ADAMTSL1: variants seen among roughly 807,000 people sequenced by gnomAD.
ADAMTSL1 encodes the protein ADAMTS like 1.
ADAMTSL1 carries 126 observed loss-of-function variants against 201.8 expected under a neutral mutation model. The ratio of observed to expected loss-of-function variants is 0.62; its 90% CI spans 0.54 to 0.72. The LOEUF (loss-of-function observed/expected upper bound fraction) is 0.72. ADAMTSL1 is among the 30% of genes least tolerant of loss of function. The pLI, the probability that ADAMTSL1 is intolerant of heterozygous loss-of-function variation, is 0.00. For missense variants in ADAMTSL1, 2,679 were observed against 2,277.8 expected (o/e 1.18, Z -3.59); for synonymous variants, 1,121 against 903.4 (o/e 1.24, Z -4.32).
chr9:18,618,174 A>G (rs1020964952), intron 4 of ADAMTSL1, among the ~76,000 whole-genome samples: 3 of 152,226 alleles, frequency 2.0e-5, no homozygotes, highest in Non-Finnish European at 4.4e-5. Context: ...GTTTAGGTTT[A>G]GCCTCTTGCT....
At chr9:17,952,999 T>G (rs544542578) in intron 1 of ADAMTSL1, among the ~76,000 whole-genome samples, 1 of 150,640 alleles carries the variant, frequency 6.6e-6, no homozygotes, top group African/African-American at 2.4e-5. Flanking sequence ...GACTCTTTCA[T>G]ATGAAGTTTA....
At chr9:18,435,733 T>C (rs1183855971) in intron 2 of ADAMTSL1, among the ~76,000 whole-genome samples, 1 of 152,150 alleles carries the variant, frequency 6.6e-6, no homozygotes, top group Non-Finnish European at 1.5e-5. Context: ...TCATGGCGGA[T>C]GGCAAGGAGG....
At chr9:18,363,096 A>T (rs548901662) in intron 2 of ADAMTSL1, among the ~76,000 whole-genome samples, 1 of 152,350 alleles carries the variant, frequency 6.6e-6, no homozygotes, top group African/African-American at 2.4e-5. Flanking sequence ...TAAAAGTGTT[A>T]TGGGAGACAA....
chr9:17,973,067 C>CTTGCAAAA (rs1818281702), intron 1 of ADAMTSL1, among the ~76,000 whole-genome samples: 1 of 96,906 alleles, frequency 1.0e-5, no homozygotes, highest in East Asian at 3.5e-4. Flanking sequence ...GATATTAACC[C>CTTGCAAAA]TTTGTCAGAT....
chr9:17,965,284 T>G (rs1391987358), intron 1 of ADAMTSL1, among the ~76,000 whole-genome samples: 2 of 152,200 alleles, frequency 1.3e-5, no homozygotes, highest in Admixed American at 6.6e-5. Context: ...AAACAACTTA[T>G]TTTTACAAAA....
chr9:17,957,847 T>A (rs574912400), intron 1 of ADAMTSL1, among the ~76,000 whole-genome samples: 1 of 152,066 alleles, frequency 6.6e-6, no homozygotes, highest in South Asian at 2.1e-4. Context: ...CTGCTGGGAG[T>A]CACCCAAAGC....
At chr9:18,048,440 A>T (rs1821772593) in intron 1 of ADAMTSL1, among the ~76,000 whole-genome samples, 1 of 152,202 alleles carries the variant, frequency 6.6e-6, no homozygotes, top group Non-Finnish European at 1.5e-5. Context: ...TGAGTAGAGT[A>T]TGGGCTTTAA....
At chr9:18,800,377 C>CAAAAAAAAAAAAAAAAAAAAA (rs58346548) in intron 20 of ADAMTSL1, among the ~76,000 whole-genome samples, 2 of 60,674 alleles carry the variant, frequency 3.3e-5, no homozygotes, top group African/African-American at 6.4e-5. Context: ...AACTCCATCT[C>CAAAAAAAAAAAAAAAAAAAAA]AAAAAAAAAA....
intron 1 of ADAMTSL1, among the ~76,000 whole-genome samples, chr9:18,145,786 A>G (rs1826612886): frequency 6.6e-6 from 1 of 152,204 alleles, no homozygotes; most frequent in African/African-American, 2.4e-5. Context: ...TTCTCTGTGA[A>G]AGACAGTTAC....
chr9:18,006,617 C>T (rs1295523371), intron 1 of ADAMTSL1, among the ~76,000 whole-genome samples: 2 of 151,764 alleles, frequency 1.3e-5, no homozygotes, highest in African/African-American at 2.4e-5. Context: ...TGGATATATC[C>T]CATGGTCTCT....
At chr9:18,734,734 T>C (rs1268649104) in intron 15 of ADAMTSL1, among the ~76,000 whole-genome samples, 1 of 152,142 alleles carries the variant, frequency 6.6e-6, no homozygotes, top group African/African-American at 2.4e-5. Flanking sequence ...CTCTTGTTCT[T>C]AGAGCTGGTA....
intron 1 of ADAMTSL1, among the ~76,000 whole-genome samples, chr9:17,993,013 G>A (rs1454239010): frequency 6.6e-6 from 1 of 152,160 alleles, no homozygotes; most frequent in African/African-American, 2.4e-5. Context: ...TTACTAAAGT[G>A]AATAGCCAAT....
At chr9:18,357,037 C>G (rs950193) in intron 2 of ADAMTSL1, among the ~76,000 whole-genome samples, 12,693 of 152,166 alleles carry the variant, frequency 0.083, 722 homozygotes, top group Non-Finnish European at 0.12. Context: ...TGGGAGGCCT[C>G]AAATTTGTCA....
chr9:18,414,182 A>G (rs1040938025), intron 2 of ADAMTSL1, among the ~76,000 whole-genome samples: 1 of 152,026 alleles, frequency 6.6e-6, no homozygotes, highest in Non-Finnish European at 1.5e-5. Context: ...TTTAATTCTA[A>G]TTCTTCAAAA....
chr9:18,091,713 A>G (rs1007460639), intron 1 of ADAMTSL1, among the ~76,000 whole-genome samples: 4 of 152,176 alleles, frequency 2.6e-5, no homozygotes, highest in African/African-American at 9.7e-5. Flanking sequence ...TTATAGAGCA[A>G]TGTGGCATGA....
rs138891099 is a variant in ADAMTSL1 at position 18,066,049 on chromosome 9, T to G, written c.88-97813T>G. On this transcript the variant is annotated intron_variant, in intron 1 of 29. Transcript: ENST00000680146. ...CACCACAATGACCAGTTCTCCCTTA[T>G]TTAATCAGAATGATTGAAAGAAATG... Among the ~76,000 whole-genome samples, 8 of 150,732 alleles carry G rather than the reference T, an allele frequency of 5.3e-5. No homozygotes were observed. The South Asian group carries it at 8.4e-4, about 16-fold the overall frequency.
chr9:18,526,956 C>G (rs1213887976), intron 2 of ADAMTSL1, among the ~76,000 whole-genome samples: 1 of 152,092 alleles, frequency 6.6e-6, no homozygotes, highest in Non-Finnish European at 1.5e-5. Context: ...TTGTAAAGAG[C>G]TCATAGATTT....
chr9:18,438,304 A>C (rs1319383237), intron 2 of ADAMTSL1, among the ~76,000 whole-genome samples: 1 of 152,070 alleles, frequency 6.6e-6, no homozygotes, highest in Non-Finnish European at 1.5e-5. Context: ...ATTTTTGAAA[A>C]ATAACTTCTG....
rs535103627 is a variant in ADAMTSL1 at position 18,202,956 on chromosome 9, C to T, written c.207+38975C>T. Among the ~76,000 whole-genome samples, 11 of 152,228 alleles carry T rather than the reference C, an allele frequency of 7.2e-5. No homozygotes were observed. The East Asian group carries it at 1.5e-3, about 21-fold the overall frequency. ...TTAGCTGTAACCAGGGATGCTACCT[C>T]TTAGCAGGAGAGATTAGCCACAAAC... On this transcript the variant is annotated intron_variant, in intron 2 of 29. Transcript: ENST00000680146.
Sources: allele counts gnomAD v4.1 joint callset (sites outside exome capture counted in the v4.1 genomes callset), GRCh38; gene constraint gnomAD v4.1.1; transcripts MANE v1.5; gene names NCBI Gene and HGNC (gene_info 2026-07-23, HGNC 2026-07-21).